SNX29: variants seen among roughly 807,000 people sequenced by gnomAD.
SNX29 encodes the protein sorting nexin-29.
SNX29 carries 78 observed loss-of-function variants against 102.1 expected under a neutral mutation model. The ratio of observed to expected loss-of-function variants is 0.76; its 90% CI spans 0.64 to 0.92. The LOEUF is 0.92. Ranked by LOEUF, SNX29 falls within the 40% of genes least tolerant of loss-of-function variation. The probability of loss-of-function intolerance (pLI) is 0.00; values close to 1 mark genes in which losing one functional copy is unlikely to be tolerated. For synonymous variants in SNX29, 580 were observed against 414.5 expected (o/e 1.40, Z -4.85); for missense variants, 1,280 against 1,061.7 (o/e 1.21, Z -2.86).
intron 19 of SNX29, among the ~76,000 whole-genome samples, chr16:12,517,181 G>A (rs1269405680): frequency 1.3e-5 from 2 of 152,188 alleles, no homozygotes; most frequent in East Asian, 1.9e-4. Flanking sequence ...GCAGCCCCTA[G>A]AGAAGTCTGG....
intron 14 of SNX29, among the ~76,000 whole-genome samples, chr16:12,245,537 G>A (rs1166544225): frequency 6.6e-6 from 1 of 151,728 alleles, no homozygotes; most frequent in Non-Finnish European, 1.5e-5. Context: ...TATTTATGGG[G>A]CAGAAGTCTG....
intron 18 of SNX29, among the ~76,000 whole-genome samples, chr16:12,476,093 G>A (rs1442361184): frequency 6.6e-6 from 1 of 151,848 alleles, no homozygotes. Context: ...GGCCAAGGCA[G>A]GCAGATCATC....
chr16:12,093,201 C>G (rs2052630890), intron 11 of SNX29, among the ~76,000 whole-genome samples: 1 of 152,208 alleles, frequency 6.6e-6, no homozygotes, highest in Non-Finnish European at 1.5e-5. Context: ...ATCCTTTCTG[C>G]ACTTTACACA....
intron 14 of SNX29, among the ~76,000 whole-genome samples, chr16:12,227,885 G>C (rs371744843): frequency 1.8e-3 from 234 of 131,330 alleles, no homozygotes; most frequent in African/African-American, 6.2e-3. Context: ...GGGCAACAGA[G>C]CGAGACTCTG....
intron 19 of SNX29, among the ~76,000 whole-genome samples, chr16:12,497,792 G>A (rs1303077633): frequency 6.6e-6 from 1 of 152,186 alleles, no homozygotes; most frequent in African/African-American, 2.4e-5. Context: ...GGCAGAAAGA[G>A]CATATTGTTT....
chr16:12,045,847 A>G (rs2050066236), intron 5 of SNX29, among the ~76,000 whole-genome samples: 1 of 151,170 alleles, frequency 6.6e-6, no homozygotes, highest in Non-Finnish European at 1.5e-5. Context: ...CTGGTCTTGA[A>G]CTCCTGACCT....
intron 15 of SNX29, among the ~76,000 whole-genome samples, chr16:12,289,268 T>C (rs1202935751): frequency 6.6e-6 from 1 of 152,110 alleles, no homozygotes; most frequent in African/African-American, 2.4e-5. Flanking sequence ...AGGAGAAGGG[T>C]CCACTACTGG....
intron 8 of SNX29, among the ~76,000 whole-genome samples, chr16:12,059,365 C>T (rs568773349): frequency 6.6e-6 from 1 of 152,324 alleles, no homozygotes; most frequent in South Asian, 2.1e-4. Context: ...CGCCTCTTGA[C>T]AGATTCCAGA....
intron 2 of SNX29, among the ~76,000 whole-genome samples, chr16:12,001,911 T>C (rs2056300918): frequency 6.6e-6 from 1 of 152,008 alleles, no homozygotes; most frequent in Admixed American, 6.6e-5. Context: ...TCCCAGCTAC[T>C]TGGGAGACTG....
At chr16:12,143,291 C>T (rs1184754974) in intron 13 of SNX29, among the ~76,000 whole-genome samples, 2 of 152,196 alleles carry the variant, frequency 1.3e-5, no homozygotes, top group East Asian at 1.9e-4. Context: ...GCCACTGCGC[C>T]TGGCCGGCCA....
intron 15 of SNX29, among the ~76,000 whole-genome samples, chr16:12,319,677 G>T (rs368901908): frequency 6.6e-6 from 1 of 152,114 alleles, no homozygotes. Context: ...AAACTGACCC[G>T]CCAGGAGGAG....
intron 18 of SNX29, among the ~76,000 whole-genome samples, chr16:12,462,687 G>C (rs2086860672): frequency 6.6e-6 from 1 of 152,142 alleles, no homozygotes; most frequent in Non-Finnish European, 1.5e-5. Flanking sequence ...CAAGGGTCCA[G>C]CTTCTATTCC....
At chr16:12,523,217 G>A (rs1016733960) in intron 19 of SNX29, among the ~76,000 whole-genome samples, 3 of 152,196 alleles carry the variant, frequency 2.0e-5, no homozygotes, top group African/African-American at 7.2e-5. Context: ...CTCTGTGCCT[G>A]CACAGGGAGA....
In SNX29 at chr16:12,570,228, G is replaced by GC; in HGVS notation, c.*1603dup. ...GGGGACCTGGGGCCAGATAAGCCCT[G>GC]CCCCGGTGAGACCAAATGAGCTGGA... On this transcript the variant is annotated 3_prime_UTR_variant, in exon 21 of 21. Coordinates refer to ENST00000566228, the MANE Select transcript of SNX29 (RefSeq NM_032167.5). 1 of 1,065,276 alleles carries GC rather than the reference G, an allele frequency of 9.4e-7. No homozygotes were observed. The highest frequency in any genetic ancestry group is 1.1e-6 in the Non-Finnish European group (1 of 879,286). The allele number at this position is 1,065,276 out of a possible 1,614,324, so 66.0% of individuals were successfully genotyped here.
At chr16:12,293,532 A>G (rs1056648254) in intron 15 of SNX29, among the ~76,000 whole-genome samples, 1 of 152,226 alleles carries the variant, frequency 6.6e-6, no homozygotes, top group Admixed American at 6.5e-5. Context: ...AGACGTTTCT[A>G]AAGCCTGAAA....
At chr16:11,982,423 G>GTTTTTTT (rs60761477) in intron 1 of SNX29, among the ~76,000 whole-genome samples, 20 of 120,354 alleles carry the variant, frequency 1.7e-4, no homozygotes, top group African/African-American at 2.4e-4. Flanking sequence ...CTTTCCATCA[G>GTTTTTTT]TTTTTTTTTT....
chr16:12,078,601 A>G (rs1378335064), intron 10 of SNX29, among the ~76,000 whole-genome samples: 1 of 152,200 alleles, frequency 6.6e-6, no homozygotes, highest in African/African-American at 2.4e-5. Context: ...TTCATGAATG[A>G]TTGTGAAAGC....
At chr16:12,408,749 G>A (rs1456365348) in intron 18 of SNX29, among the ~76,000 whole-genome samples, 1 of 152,212 alleles carries the variant, frequency 6.6e-6, no homozygotes, top group Non-Finnish European at 1.5e-5. Context: ...AAACCTGGGA[G>A]GCGGAGGTTG....
At position 12,189,622 on chromosome 16, in the gene SNX29, T is replaced by G. The variant is rs1441421709; in HGVS notation, c.1596-9979T>G. On this transcript the variant is annotated intron_variant, in intron 13 of 20. Coordinates refer to ENST00000566228, the MANE Select transcript of SNX29 (RefSeq NM_032167.5). Reference sequence around the variant, plus strand: ...CTGTTATGCTCCTTCACTGTGGAGTTTCCCCTTTACAATTAATACATATTT... The same window carrying G: ...CTGTTATGCTCCTTCACTGTGGAGTGTCCCCTTTACAATTAATACATATTT... 3.9e-5 allele frequency among the ~76,000 whole-genome samples: 6 copies of G among 152,304 alleles called. No individual in the cohort carries two copies. The East Asian group carries it at 9.6e-4, about 24-fold the overall frequency.
Sources: allele counts gnomAD v4.1 joint callset (sites outside exome capture counted in the v4.1 genomes callset), GRCh38; gene constraint gnomAD v4.1.1; transcripts MANE v1.5; gene names NCBI Gene and HGNC (gene_info 2026-07-23, HGNC 2026-07-21).